Variants in PCLO observed in about 807,000 individuals in gnomAD.
PCLO encodes protein piccolo.
Under a neutral mutation model 427.5 loss-of-function variants are expected in PCLO, and 82 were observed. That is an observed-to-expected ratio of 0.19 (90% CI 0.16 to 0.23). The LOEUF (loss-of-function observed/expected upper bound fraction) is 0.23. Ranked by LOEUF, PCLO falls within the 10% of genes least tolerant of loss-of-function variation. The pLI, the probability that PCLO is intolerant of heterozygous loss-of-function variation, is 1.00. For missense variants in PCLO, 6,239 were observed against 6,115.9 expected, an observed-to-expected ratio of 1.02 and a Z score of -0.67; for synonymous variants, 2,357 against 2,155.4, an observed-to-expected ratio of 1.09 and a Z score of -2.59.
rs1226062285 is a variant in PCLO at position 82,955,361 on chromosome 7, C to T, written c.5592G>A (p.Glu1864=). ...TTATTTCAAAACCTTCTGGGTCTGA[C>T]TCTATGCTAGGTGAATATTCAGAAC... ...SSCSEYSPSI[E]SDPEGFEISP... Residue 1864 remains glutamate (E), a synonymous_variant, in exon 5 of 25, where the codon GAG becomes GAA. Transcript: ENST00000333891. 1 of 1,613,778 alleles carries T rather than the reference C, an allele frequency of 6.2e-7. No homozygotes were observed. Among genetic ancestry groups the T allele is most frequent in the Non-Finnish European group, 8.5e-7 (1 of 1,179,762 alleles).
At chr7:83,033,053 CA>C (rs1788710501) in intron 3 of PCLO, among the ~76,000 whole-genome samples, 1 of 152,074 alleles carries the variant, frequency 6.6e-6, no homozygotes, top group Non-Finnish European at 1.5e-5. Context: ...TTCGCCTACT[CA>C]CCCTCTCTCT....
chr7:82,881,388 G>T (rs987523804), intron 9 of PCLO, among the ~76,000 whole-genome samples: 2 of 152,090 alleles, frequency 1.3e-5, no homozygotes, highest in African/African-American at 4.8e-5. Context: ...CTCTGGTAAA[G>T]GATCAGTGAT....
intron 2 of PCLO, among the ~76,000 whole-genome samples, chr7:83,142,735 G>T (rs1202963817): frequency 6.6e-6 from 1 of 152,122 alleles, no homozygotes; most frequent in Non-Finnish European, 1.5e-5. Context: ...AAAGCAGGCG[G>T]ATCACCTGAG....
intron 6 of PCLO, among the ~76,000 whole-genome samples, chr7:82,944,369 G>T (rs1795153765): frequency 6.6e-6 from 1 of 151,922 alleles, no homozygotes; most frequent in South Asian, 2.1e-4. Context: ...TATGAGTCAG[G>T]TATCTTTCTG....
chr7:82,866,655 T>TAC (rs71096605), intron 10 of PCLO, among the ~76,000 whole-genome samples: 28,648 of 142,924 alleles, frequency 0.2, 3,209 homozygotes, highest in Middle Eastern at 0.28. Flanking sequence ...TGAAATTTTA[T>TAC]ACACACACAC....
At chr7:83,083,703 C>T (rs180814194) in intron 3 of PCLO, among the ~76,000 whole-genome samples, 2 of 151,948 alleles carry the variant, frequency 1.3e-5, no homozygotes, top group Non-Finnish European at 2.9e-5. Flanking sequence ...AAAGTATATC[C>T]CTAAGTCTAC....
At chr7:82,873,829 T>C (rs1793301615) in intron 10 of PCLO, among the ~76,000 whole-genome samples, 1 of 145,244 alleles carries the variant, frequency 6.9e-6, no homozygotes, top group South Asian at 2.2e-4. Flanking sequence ...GGGGGGGTGG[T>C]TTCTGTCAGT....
intron 9 of PCLO, among the ~76,000 whole-genome samples, chr7:82,901,874 A>G: frequency 6.6e-6 from 1 of 151,922 alleles, no homozygotes; most frequent in African/African-American, 2.4e-5. Flanking sequence ...AACAACAATG[A>G]GATACCATCT....
At chr7:83,003,047 T>C (rs1263099177) in intron 3 of PCLO, among the ~76,000 whole-genome samples, 1 of 151,622 alleles carries the variant, frequency 6.6e-6, no homozygotes, top group African/African-American at 2.4e-5. Context: ...AAAGATCATA[T>C]CTTCACATTT....
intron 3 of PCLO, among the ~76,000 whole-genome samples, chr7:83,084,266 T>TAA (rs147894353): frequency 4.0e-5 from 6 of 148,314 alleles, no homozygotes; most frequent in African/African-American, 1.5e-4. Context: ...GCACCCTATT[T>TAA]AAAAAAAAAA....
chr7:83,161,382 G>C (rs1234777638), intron 1 of PCLO, among the ~76,000 whole-genome samples: 1 of 152,144 alleles, frequency 6.6e-6, no homozygotes, highest in African/African-American at 2.4e-5. Flanking sequence ...ACAGAAAACT[G>C]TTCTCTACTA....
intron 3 of PCLO, among the ~76,000 whole-genome samples, chr7:83,114,009 ACTT>A (rs1179821124): frequency 6.6e-6 from 1 of 152,146 alleles, no homozygotes; most frequent in Non-Finnish European, 1.5e-5. Flanking sequence ...TGTACTTAAG[ACTT>A]CTTATGAGAG....
At chr7:83,094,743 G>A (rs1790489391) in intron 3 of PCLO, among the ~76,000 whole-genome samples, 1 of 152,086 alleles carries the variant, frequency 6.6e-6, no homozygotes, top group Non-Finnish European at 1.5e-5. Context: ...ATTTTTCTGG[G>A]GTAAGTGCTC....
rs2116438426 is a variant in PCLO at position 82,953,168 on chromosome 7, A to C, written c.7785T>G (p.Ser2595=). 1 of 1,614,016 alleles carries C rather than the reference A, an allele frequency of 6.2e-7. No homozygotes were observed. Among genetic ancestry groups the C allele is most frequent in the Non-Finnish European group, 8.5e-7 (1 of 1,179,890 alleles). Residue 2595 remains serine, a synonymous_variant, in exon 5 of 25, where the codon TCT becomes TCG. Coordinates refer to ENST00000333891, the MANE Select transcript of PCLO (RefSeq NM_033026.6). ...LPSEPGTPTD[S]SASQAITSWP... The stretch of plus-strand genomic sequence containing the variant: ...AACTGGTAATTGCTTGACTAGCAGA[A>C]GAATCTGTTGGAGTCCCTGGTTCAG...
chr7:82,904,033 C>T lies in PCLO; in HGVS notation c.13438-1292G>A, dbSNP rs563407203. On this transcript the variant is annotated intron_variant, in intron 8 of 24. Transcript: ENST00000333891. ...AGGCCTTAGATTAACATAAAATACTCCCTAAACAACAGCAGAATCCTGTTA... is the reference window on the plus strand; with the variant it reads ...AGGCCTTAGATTAACATAAAATACTTCCTAAACAACAGCAGAATCCTGTTA... Among the ~76,000 whole-genome samples the T allele has an allele frequency of 3.1e-4, 47 of 151,950 alleles. No homozygotes were observed. The East Asian group carries it at 8.2e-3, about 26-fold the overall frequency.
At chr7:82,834,946 C>CT (rs36081669) in intron 16 of PCLO, among the ~76,000 whole-genome samples, 4 of 122,948 alleles carry the variant, frequency 3.3e-5, no homozygotes, top group Admixed American at 8.3e-5. Context: ...CACCTATTAT[C>CT]TTTTTTTTTG....
intron 3 of PCLO, among the ~76,000 whole-genome samples, chr7:82,976,568 T>C (rs999392213): frequency 3.4e-5 from 5 of 148,680 alleles, no homozygotes; most frequent in African/African-American, 1.3e-4. Context: ...TCCATGATTG[T>C]TGGTGTGTAT....
chr7:83,144,376 A>T (rs1791940276), intron 2 of PCLO, among the ~76,000 whole-genome samples: 1 of 65,074 alleles, frequency 1.5e-5, no homozygotes. Context: ...AGCTGAGATC[A>T]CACCATTGCA....
intron 6 of PCLO, among the ~76,000 whole-genome samples, chr7:82,918,892 G>A (rs918997943): frequency 2.0e-5 from 3 of 151,922 alleles, no homozygotes; most frequent in Non-Finnish European, 2.9e-5. Flanking sequence ...GGTCACTACC[G>A]GAAATTTTAA....
Sources: gnomAD v4.1 joint callset for allele counts (sites outside exome capture counted in the v4.1 genomes callset) on GRCh38, gnomAD v4.1.1 for gene constraint, MANE v1.5 for transcripts, NCBI Gene and HGNC (gene_info 2026-07-23, HGNC 2026-07-21) for gene names.